Variants in BBS9 observed in about 807,000 individuals in gnomAD.
BBS9 encodes the protein Bardet-Biedl syndrome 9.
BBS9 carries 89 observed loss-of-function variants against 117.7 expected under a neutral mutation model. The ratio of observed to expected loss-of-function variants is 0.76; its 90% CI spans 0.64 to 0.90. BBS9 has a LOEUF of 0.90. Among genes scored for constraint, BBS9 ranks in the 40% least tolerant of loss-of-function variants. The pLI is 0.00. For missense variants in BBS9, 982 were observed against 1,042.2 expected, an observed-to-expected ratio of 0.94 and a Z score of 0.80; for synonymous variants, 379 against 370.9, an observed-to-expected ratio of 1.02 and a Z score of -0.25.
At chr7:33,277,471 G>T (rs1800982827) in intron 9 of BBS9, among the ~76,000 whole-genome samples, 1 of 152,174 alleles carries the variant, frequency 6.6e-6, no homozygotes, top group Non-Finnish European at 1.5e-5. Context: ...TGTAACCCCA[G>T]ACAGGTTCTT....
intron 21 of BBS9, among the ~76,000 whole-genome samples, chr7:33,558,645 C>A (rs187266752): frequency 1.2e-3 from 181 of 152,004 alleles, no homozygotes; most frequent in African/African-American, 4.2e-3. Flanking sequence ...ATCTCTTAGA[C>A]CAAATGAAAG....
At chr7:33,495,804 G>A (rs1463143246) in intron 19 of BBS9, among the ~76,000 whole-genome samples, 1 of 152,088 alleles carries the variant, frequency 6.6e-6, no homozygotes, top group African/African-American at 2.4e-5. Flanking sequence ...CCTTTCAACT[G>A]ATTAAGTTAC....
intron 20 of BBS9, among the ~76,000 whole-genome samples, chr7:33,521,457 T>C (rs1563296129): frequency 6.6e-6 from 1 of 152,214 alleles, no homozygotes; most frequent in Non-Finnish European, 1.5e-5. Context: ...TTAAGTTTTT[T>C]CAGCTTGTGA....
At chr7:33,370,969 G>C (rs533719503) in intron 17 of BBS9, among the ~76,000 whole-genome samples, 21 of 152,252 alleles carry the variant, frequency 1.4e-4, no homozygotes, top group African/African-American at 4.6e-4. Context: ...GAAAATCAGA[G>C]CAGGAAACTA....
chr7:33,579,527 A>G (rs1161019952), intron 21 of BBS9, among the ~76,000 whole-genome samples: 1 of 152,152 alleles, frequency 6.6e-6, no homozygotes, highest in African/African-American at 2.4e-5. Context: ...TTTGTTTTCC[A>G]TCAATTTTCG....
chr7:33,286,615 A>G (rs1019760339), intron 9 of BBS9, among the ~76,000 whole-genome samples: 18 of 152,176 alleles, frequency 1.2e-4, no homozygotes, highest in Middle Eastern at 3.2e-3. Flanking sequence ...TCTATTTCCC[A>G]GAGGAAAAAG....
At chr7:33,153,091 A>G (rs983471524) in intron 3 of BBS9, among the ~76,000 whole-genome samples, 12 of 152,240 alleles carry the variant, frequency 7.9e-5, no homozygotes. Flanking sequence ...CAGAAGCTTA[A>G]AAACAAAGAG....
chr7:33,536,698 T>TTCCCCCCGCCCCCCGCCG (rs1563323435), intron 21 of BBS9, among the ~76,000 whole-genome samples: 1 of 40,696 alleles, frequency 2.5e-5, no homozygotes, highest in Non-Finnish European at 5.0e-5. Context: ...GCCCCCCGCC[T>TTCCCCCCGCCCCCCGCCG]CCCCCCACCC....
rs1229483502 is a variant in BBS9, at chr7:33,476,857, AGATT to A, written c.2116-28604_2116-28601del. ...TAAAGTGTAAATTAAGTATGTATAT[AGATT>A]GTCAGTAGTAATTTATATTGTAATA... On this transcript the variant is annotated intron_variant, in intron 19 of 22. Coordinates refer to ENST00000242067, the MANE Select transcript of BBS9 (RefSeq NM_198428.3). Among the ~76,000 whole-genome samples the A allele has an allele frequency of 5.3e-5, 8 of 152,244 alleles. No homozygotes were observed. In the East Asian group the frequency reaches 1.3e-3, roughly 26 times the overall value.
At chr7:33,186,854 T>G (rs1226002438) in intron 5 of BBS9, among the ~76,000 whole-genome samples, 1 of 152,242 alleles carries the variant, frequency 6.6e-6, no homozygotes, top group African/African-American at 2.4e-5. Flanking sequence ...AATTAATGCT[T>G]GCAAAATTTA....
At chr7:33,155,117 AT>A (rs1440990313) in intron 3 of BBS9, among the ~76,000 whole-genome samples, 7 of 152,242 alleles carry the variant, frequency 4.6e-5, no homozygotes, top group Non-Finnish European at 1.0e-4. Flanking sequence ...AAACAGAAAT[AT>A]TTTCAATACT....
chr7:33,497,286 T>C (rs2129004609), intron 19 of BBS9, among the ~76,000 whole-genome samples: 1 of 152,320 alleles, frequency 6.6e-6, no homozygotes, highest in South Asian at 2.1e-4. Flanking sequence ...TGACAGTGCC[T>C]GATTCAGTGT....
intron 6 of BBS9, among the ~76,000 whole-genome samples, chr7:33,262,465 G>A (rs376322696): frequency 2.8e-4 from 43 of 152,192 alleles, no homozygotes; most frequent in African/African-American, 7.9e-4. Flanking sequence ...AGTCACCAGC[G>A]CATACTATTT....
intron 7 of BBS9, among the ~76,000 whole-genome samples, chr7:33,269,392 C>A (rs1163762593): frequency 1.3e-5 from 2 of 152,152 alleles, no homozygotes; most frequent in East Asian, 3.9e-4. Context: ...TGGCTTGGGT[C>A]CACAGCTCTC....
At chr7:33,482,458 T>C (rs965499804) in intron 19 of BBS9, among the ~76,000 whole-genome samples, 7 of 152,144 alleles carry the variant, frequency 4.6e-5, no homozygotes, top group African/African-American at 1.4e-4. Flanking sequence ...ACTGGTAACA[T>C]AGGGGAGATG....
intron 4 of BBS9, among the ~76,000 whole-genome samples, chr7:33,171,562 A>G (rs572405122): frequency 6.6e-6 from 1 of 152,346 alleles, no homozygotes; most frequent in East Asian, 1.9e-4. Flanking sequence ...CTAATTTTAT[A>G]TCAGTATTTG....
At chr7:33,172,670 A>G (rs1272781836) in intron 4 of BBS9, among the ~76,000 whole-genome samples, 2 of 152,346 alleles carry the variant, frequency 1.3e-5, no homozygotes, top group East Asian at 1.9e-4. Flanking sequence ...TATTTGGTCT[A>G]TTAATCTTCC....
At position 33,433,167 on chromosome 7, in the gene BBS9, C is replaced by T. The variant is rs550109302; in HGVS notation, c.2115+45023C>T. On this transcript the variant is annotated intron_variant, in intron 19 of 22. Transcript: ENST00000242067. ...TTTATTTCTGTTCTTTAACATATGG[C>T]ATATAATTTTATACTAATTGCAGAG... 6.2e-4 allele frequency among the ~76,000 whole-genome samples: 94 copies of T among 152,216 alleles called. No homozygotes were observed. The South Asian group carries it at 0.011, about 17-fold the overall frequency.
intron 21 of BBS9, among the ~76,000 whole-genome samples, chr7:33,622,957 A>G (rs1444291234): frequency 1.3e-5 from 2 of 152,232 alleles, no homozygotes; most frequent in East Asian, 3.8e-4. Context: ...AGACAAAACA[A>G]CAAATATTTT....
Sources: gnomAD v4.1 joint callset for allele counts (sites outside exome capture counted in the v4.1 genomes callset) on GRCh38, gnomAD v4.1.1 for gene constraint, MANE v1.5 for transcripts, NCBI Gene and HGNC (gene_info 2026-07-23, HGNC 2026-07-21) for gene names.